The following AUTS2 variants were observed in gnomAD, a reference collection of about 807,000 sequenced individuals.
AUTS2 encodes autism susceptibility gene 2 protein.
Under a neutral mutation model 112.4 loss-of-function variants are expected in AUTS2, and 17 were observed. The observed-to-expected ratio is 0.15, with a 90% CI of 0.10 to 0.23. AUTS2 has a LOEUF of 0.23. Among genes scored for constraint, AUTS2 ranks in the 10% least tolerant of loss-of-function variants. The pLI is 1.00. For synonymous variants in AUTS2, 751 were observed against 702.7 expected (o/e 1.07, Z -1.09); for missense variants, 1,510 against 1,701.6 (o/e 0.89, Z 1.98).
At position 70,497,044 on chromosome 7, in the gene AUTS2, A is replaced by G. The variant is rs13229168; in HGVS notation, c.690+61263A>G. The stretch of plus-strand genomic sequence containing the variant: ...ACACACACACCCCACACATGCACAC[A>G]TCACATCAGCGTCGATCACACATCC... On this transcript the variant is annotated intron_variant, in intron 5 of 18. Transcript: ENST00000342771. Among the ~76,000 whole-genome samples the G allele has an allele frequency of 2.9e-3, 173 of 60,406 alleles. 3 individuals carry two copies. Among genetic ancestry groups the G allele is most frequent in the African/African-American group, 5.1e-3 (62 of 12,160 alleles). The allele number at this position is 60,406 out of a possible 152,430, so 39.6% of individuals were successfully genotyped here.
intron 4 of AUTS2, among the ~76,000 whole-genome samples, chr7:70,184,059 T>G (rs1809472418): frequency 1.3e-5 from 2 of 152,134 alleles, no homozygotes; most frequent in South Asian, 4.1e-4. Context: ...TAAGTCGGAT[T>G]TTCTTTAAAA....
chr7:70,405,025 G>GTA (rs1411751846), intron 4 of AUTS2, among the ~76,000 whole-genome samples: 1 of 152,152 alleles, frequency 6.6e-6, no homozygotes, highest in African/African-American at 2.4e-5. Context: ...CAAGAAAAGT[G>GTA]TATAGTTCAG....
chr7:70,080,425 A>T (rs1803245315), intron 2 of AUTS2, among the ~76,000 whole-genome samples: 2 of 152,204 alleles, frequency 1.3e-5, no homozygotes, highest in Admixed American at 1.3e-4. Context: ...CTTCAGGTAC[A>T]ACCATAGGTT....
At chr7:70,330,326 T>C (rs1200847663) in intron 4 of AUTS2, among the ~76,000 whole-genome samples, 3 of 152,176 alleles carry the variant, frequency 2.0e-5, no homozygotes, top group Admixed American at 2.0e-4. Context: ...AGGGGTCCAA[T>C]TTCATTGTTT....
chr7:69,949,084 G>A (rs1342314188), intron 2 of AUTS2, among the ~76,000 whole-genome samples: 1 of 152,164 alleles, frequency 6.6e-6, no homozygotes, highest in Non-Finnish European at 1.5e-5. Context: ...TAGAATTACA[G>A]ACATGAGCCA....
intron 1 of AUTS2, among the ~76,000 whole-genome samples, chr7:69,610,394 A>G (rs1792968718): frequency 6.6e-6 from 1 of 152,176 alleles, no homozygotes; most frequent in Non-Finnish European, 1.5e-5. Flanking sequence ...TGTAAATCGA[A>G]TTTTTGTAAA....
rs77361580 is a variant in AUTS2 at position 69,734,348 on chromosome 7, G to GTTT, written c.309+134401_309+134403dup. On this transcript the variant is annotated intron_variant, in intron 1 of 18. Coordinates refer to ENST00000342771, the MANE Select transcript of AUTS2 (RefSeq NM_015570.4). ...AATAATAACTCTTTGTTCCTCTTTA[G>GTTT]TTTTTTTTTTTTTTTTTAATGTCTT... Among the ~76,000 whole-genome samples the GTTT allele has an allele frequency of 4.4e-3, 583 of 132,006 alleles. 2 individuals are homozygous for GTTT. Among genetic ancestry groups the GTTT allele is most frequent in the Non-Finnish European group, 7.5e-3 (452 of 60,578 alleles). 86.6% of individuals were successfully genotyped at this position (132,006 alleles called of 152,430 possible).
chr7:70,324,072 A>C (rs935874400), intron 4 of AUTS2, among the ~76,000 whole-genome samples: 1 of 152,156 alleles, frequency 6.6e-6, no homozygotes, highest in African/African-American at 2.4e-5. Flanking sequence ...ATTTGTTGAC[A>C]CTCAGATTTG....
intron 3 of AUTS2, among the ~76,000 whole-genome samples, chr7:70,123,160 G>A (rs1584756421): frequency 1.3e-5 from 2 of 152,236 alleles, no homozygotes; most frequent in Admixed American, 6.5e-5. Flanking sequence ...ACAGGCGTGA[G>A]CCACCATGTT....
At chr7:70,309,670 TA>T (rs1268786037) in intron 4 of AUTS2, among the ~76,000 whole-genome samples, 1 of 152,180 alleles carries the variant, frequency 6.6e-6, no homozygotes, top group African/African-American at 2.4e-5. Context: ...GAGTTACATC[TA>T]AAATGTTACT....
intron 3 of AUTS2, among the ~76,000 whole-genome samples, chr7:70,121,365 ACTT>A (rs1805673590): frequency 1.3e-5 from 2 of 152,162 alleles, no homozygotes; most frequent in Admixed American, 1.3e-4. Flanking sequence ...AAAATTAAAA[ACTT>A]CTCACACCAA....
chr7:70,684,550 G>A (rs923669589), intron 5 of AUTS2, among the ~76,000 whole-genome samples: 4 of 151,320 alleles, frequency 2.6e-5, no homozygotes, highest in Admixed American at 6.6e-5. Context: ...GTGGTGTGGC[G>A]TGGCGTGGCG....
At chr7:69,902,491 C>T (rs116049472) in intron 2 of AUTS2, among the ~76,000 whole-genome samples, 14 of 152,176 alleles carry the variant, frequency 9.2e-5, no homozygotes, top group East Asian at 5.8e-4. Flanking sequence ...AGGGAAGAGG[C>T]GAGAACTTAG....
chr7:70,460,338 CTTTTTTTTTTTTTTT>C (rs10537541), intron 5 of AUTS2, among the ~76,000 whole-genome samples: 3 of 38,182 alleles, frequency 7.9e-5, no homozygotes, highest in Admixed American at 3.9e-4. Context: ...ACAGCCTGGT[CTTTTTTTTTTTTTTT>C]TTTTTTTTTT....
chr7:70,590,128 G>GT (rs1250874445), intron 5 of AUTS2, among the ~76,000 whole-genome samples: 1 of 118,176 alleles, frequency 8.5e-6, no homozygotes, highest in Non-Finnish European at 1.8e-5. Flanking sequence ...GCATTTGTGT[G>GT]TGTGTGTGTG....
chr7:69,951,541 AT>A (rs1303594834), intron 2 of AUTS2, among the ~76,000 whole-genome samples: 1 of 152,186 alleles, frequency 6.6e-6, no homozygotes, highest in Non-Finnish European at 1.5e-5. Context: ...TCCGTTTTGC[AT>A]TTGGCTTTTT....
chr7:69,902,340 G>A (rs891457884), intron 2 of AUTS2, among the ~76,000 whole-genome samples: 20 of 152,202 alleles, frequency 1.3e-4, no homozygotes, highest in African/African-American at 4.8e-4. Flanking sequence ...TATCGCCTGC[G>A]TTTGCCTCTT....
intron 1 of AUTS2, among the ~76,000 whole-genome samples, chr7:69,622,906 G>A (rs1218968118): frequency 6.6e-6 from 1 of 152,196 alleles, no homozygotes; most frequent in Admixed American, 6.5e-5. Flanking sequence ...AAGTAGTTGG[G>A]ACCACAGGTG....
intron 17 of AUTS2, chr7:70,786,988 T>A: frequency 1.6e-6 from 1 of 636,126 alleles, no homozygotes; most frequent in Non-Finnish European, 2.8e-6. Context: ...CCACCTTTGC[T>A]TTTGGTTTTA....
Sources: allele counts gnomAD v4.1 joint callset (sites outside exome capture counted in the v4.1 genomes callset), GRCh38; gene constraint gnomAD v4.1.1; transcripts MANE v1.5; gene names NCBI Gene and HGNC (gene_info 2026-07-23, HGNC 2026-07-21).